The following SFXN5 variants were observed in gnomAD, a reference collection of about 807,000 sequenced individuals.
The protein encoded by SFXN5 is sideroflexin 5.
SFXN5 carries 43 observed loss-of-function variants against 50.2 expected under a neutral mutation model. The observed-to-expected ratio is 0.86, with a 90% CI of 0.67 to 1.11. SFXN5 has a LOEUF of 1.11. Among genes scored for constraint, SFXN5 ranks in the 50% least tolerant of loss-of-function variants. SFXN5 has a pLI of 0.00. For missense variants in SFXN5, 463 were observed against 454.1 expected (o/e 1.02, Z -0.18); for synonymous variants, 203 against 185.8 (o/e 1.09, Z -0.75).
rs1559199640 is a variant in SFXN5 at position 73,047,253 on chromosome 2, T to TATATATATATATATATACACAC, written c.172-6323_172-6322insGTGTGTATATATATATATATAT. 2.0e-4 allele frequency among the ~76,000 whole-genome samples: 9 copies of TATATATATATATATATACACAC among 45,120 alleles called. 1 individual carries two copies. The highest frequency in any genetic ancestry group is 6.5e-4 in the Admixed American group (2 of 3,066). The allele number at this position is 45,120 out of a possible 152,430, so 29.6% of individuals were successfully genotyped here. ...AAAAAAAAAAAAAAAAAAATATATA[T>TATATATATATATATATACACAC]ATATATATATATATATATATATACA... On this transcript the variant is annotated intron_variant, in intron 2 of 13. Coordinates refer to ENST00000272433, the MANE Select transcript of SFXN5 (RefSeq NM_144579.3).
intron 2 of SFXN5, among the ~76,000 whole-genome samples, chr2:73,047,150 G>A (rs1223915268): frequency 7.0e-6 from 1 of 142,142 alleles, no homozygotes; most frequent in Non-Finnish European, 1.5e-5. Flanking sequence ...CTTGAACCTG[G>A]GAGGCTGCAG....
At chr2:73,063,512 C>A (rs1218753355) in intron 1 of SFXN5, among the ~76,000 whole-genome samples, 1 of 152,212 alleles carries the variant, frequency 6.6e-6, no homozygotes, top group Non-Finnish European at 1.5e-5. Flanking sequence ...GGACCAACCA[C>A]TCAGGGTCTT....
chr2:72,985,454 G>C (rs941226598), intron 10 of SFXN5, among the ~76,000 whole-genome samples: 1 of 151,980 alleles, frequency 6.6e-6, no homozygotes, highest in Admixed American at 6.6e-5. Flanking sequence ...GGTGGGAAAG[G>C]GCCACACCTA....
chr2:73,060,342 A>G (rs1215794659), intron 1 of SFXN5, among the ~76,000 whole-genome samples: 1 of 152,258 alleles, frequency 6.6e-6, no homozygotes, highest in Non-Finnish European at 1.5e-5. Flanking sequence ...AGTCCACAGC[A>G]TCACTCACAT....
chr2:72,959,659 G>A (rs761346242), intron 13 of SFXN5, among the ~76,000 whole-genome samples: 1 of 152,034 alleles, frequency 6.6e-6, no homozygotes, highest in Non-Finnish European at 1.5e-5. Flanking sequence ...CTGAAGTGGG[G>A]AGGGGTCTCC....
At chr2:73,006,231 C>T (rs937045273) in intron 6 of SFXN5, among the ~76,000 whole-genome samples, 3 of 152,124 alleles carry the variant, frequency 2.0e-5, no homozygotes, top group African/African-American at 7.2e-5. Flanking sequence ...CAGTCCATCC[C>T]AGGTCAGGTC....
chr2:72,978,699 T>C (rs931869696), intron 10 of SFXN5, among the ~76,000 whole-genome samples: 1 of 152,200 alleles, frequency 6.6e-6, no homozygotes, highest in East Asian at 1.9e-4. Context: ...TGGCAATATT[T>C]AATAAAGCTA....
rs970409754 is a variant in SFXN5, at chr2:73,048,841, C to T, written c.172-7910G>A. On this transcript the variant is annotated intron_variant, in intron 2 of 13. Transcript: ENST00000272433. ...GGAAGTGAGATTTCTGAATGAAAGA[C>T]ATTTTAAGGTTCTCCATTATAAAGG... Among the ~76,000 whole-genome samples the T allele has an allele frequency of 2.0e-5, 3 of 152,302 alleles. No homozygotes were observed. The South Asian group carries it at 6.2e-4, about 32-fold the overall frequency.
rs1246450842 is a variant in SFXN5 at position 72,992,108 on chromosome 2, T to C, written c.535-3760A>G. 3.3e-5 allele frequency among the ~76,000 whole-genome samples: 5 copies of C among 152,154 alleles called. No individual in the cohort carries two copies. The highest frequency in any genetic ancestry group is 7.4e-5 in the Non-Finnish European group (5 of 68,018). On this transcript the variant is annotated intron_variant, in intron 9 of 13. Coordinates refer to ENST00000272433, the MANE Select transcript of SFXN5 (RefSeq NM_144579.3). This position sits in a 1 kb window ranked among gnomAD's most constrained non-coding sequence, Gnocchi z 4.5. ...ATCAGCAACATCCTGAAGGAGGGAA[T>C]AGGCCTTCTTGACCACCTATCTCCA...
chr2:73,006,214 G>A (rs188250623), intron 6 of SFXN5, among the ~76,000 whole-genome samples: 1 of 152,236 alleles, frequency 6.6e-6, no homozygotes, highest in East Asian at 1.9e-4. Flanking sequence ...GGAGAGACAG[G>A]AGGGTACAGT....
intron 2 of SFXN5, 94 bp from the exon 3 acceptor site, chr2:73,041,025 A>C: frequency 5.2e-6 from 5 of 952,910 alleles, no homozygotes; most frequent in South Asian, 4.8e-5. Context: ...AAATACTGCC[A>C]GTGCAAGGCT....
intron 12 of SFXN5, among the ~76,000 whole-genome samples, chr2:72,967,763 C>T (rs912799379): frequency 2.6e-5 from 4 of 152,122 alleles, no homozygotes; most frequent in Admixed American, 1.3e-4. Flanking sequence ...CCCTCCCCTG[C>T]CCCCTGCCTT....
At chr2:73,047,237 AAAAAAAAAATATATATATAT>A (rs1680484203) in intron 2 of SFXN5, among the ~76,000 whole-genome samples, 2 of 28,436 alleles carry the variant, frequency 7.0e-5, no homozygotes, top group Admixed American at 7.0e-4. Flanking sequence ...AAAAAAAAAA[AAAAAAAAAATATATATATAT>A]ATATATATAT....
At chr2:72,955,957 T>C (rs1179875730) in intron 13 of SFXN5, among the ~76,000 whole-genome samples, 1 of 152,260 alleles carries the variant, frequency 6.6e-6, no homozygotes, top group Non-Finnish European at 1.5e-5. Context: ...AGGTCCATCA[T>C]GACCTGTGCT....
At chr2:73,040,101 G>A (rs1472252840) in intron 3 of SFXN5, among the ~76,000 whole-genome samples, 8 of 152,230 alleles carry the variant, frequency 5.3e-5, no homozygotes, top group East Asian at 3.9e-4. Flanking sequence ...GTGAGCCACC[G>A]TGCCCAGCCC....
intron 6 of SFXN5, among the ~76,000 whole-genome samples, chr2:73,002,974 C>G (rs1674109908): frequency 6.6e-6 from 1 of 152,244 alleles, no homozygotes; most frequent in Non-Finnish European, 1.5e-5. Context: ...GTTTAAAATT[C>G]TACTTCCAAA....
chr2:72,984,294 G>C (rs1671641182), intron 10 of SFXN5, among the ~76,000 whole-genome samples: 1 of 152,232 alleles, frequency 6.6e-6, no homozygotes, highest in African/African-American at 2.4e-5. Context: ...GAGCATCCCA[G>C]GGCTTCCCAC....
chr2:72,968,398 T>G, intron 12 of SFXN5, 50 bp downstream of exon 12: 10 of 1,318,856 alleles, frequency 7.6e-6, no homozygotes, highest in East Asian at 2.5e-5. Flanking sequence ...CCCCTCCCTC[T>G]CCCCCTCCTC....
intron 13 of SFXN5, among the ~76,000 whole-genome samples, chr2:72,947,760 A>G (rs1302187188): frequency 6.6e-6 from 1 of 152,074 alleles, no homozygotes; most frequent in Non-Finnish European, 1.5e-5. Flanking sequence ...AACAGAGGAG[A>G]GCCAGGCTGA....
Sources: gnomAD v4.1 joint callset for allele counts (sites outside exome capture counted in the v4.1 genomes callset) on GRCh38, gnomAD v4.1.1 for gene constraint, Gnocchi (gnomAD v3.1) non-coding constraint, MANE v1.5 for transcripts, NCBI Gene and HGNC (gene_info 2026-07-23, HGNC 2026-07-21) for gene names.